Variants in LINGO3 observed in about 807,000 individuals in gnomAD.
LINGO3 encodes the protein leucine-rich repeat and immunoglobulin-like domain-containing nogo receptor-interacting protein 3.
For synonymous variants in LINGO3, 427 were observed against 444.2 expected (o/e 0.96, Z 0.49); for missense variants, 750 against 867.7 (o/e 0.86, Z 1.70).
At chr19:2,291,967 G>A (rs1279255905) in exon 1 of LINGO3, 2 of 614,064 alleles carry the variant, frequency 3.3e-6, no homozygotes, top group South Asian at 1.5e-5. Context: ...TGGAAGAATT[G>A]CTTGAGTTCA....
the LINGO3 span, among the ~76,000 whole-genome samples, chr19:2,301,911 G>C: frequency 1.6e-5 from 2 of 123,192 alleles, no homozygotes; most frequent in East Asian, 2.6e-4. Context: ...CTGGGCGACA[G>C]AGCGAGACTC....
chr19:2,297,602 CTTTTTTTTT>C, the LINGO3 span, among the ~76,000 whole-genome samples: 2 of 130,982 alleles, frequency 1.5e-5, no homozygotes, highest in Non-Finnish European at 3.3e-5. Context: ...CGCACCCGGC[CTTTTTTTTT>C]TTTTTTTTTT....
In LINGO3 at chr19:2,289,959, C is replaced by T. The variant is rs1338783280; in HGVS notation, c.*39G>A. Reference sequence around the variant, plus strand: ...TAGGTGGACACGCGAGCGGCCGGCCCGCGGGGGAGGGGAGGGGAGGGTCCG... The same window carrying T: ...TAGGTGGACACGCGAGCGGCCGGCCTGCGGGGGAGGGGAGGGGAGGGTCCG... On this transcript the variant is annotated 3_prime_UTR_variant, in exon 1 of 1. Transcript: ENST00000585527. The T allele has an allele frequency of 6.1e-6, 9 of 1,466,738 alleles. No individual in the cohort carries two copies. The Admixed American group carries it at 7.3e-5, about 12-fold the overall frequency. The allele number at this position is 1,466,738 out of a possible 1,614,324, so 90.9% of individuals were successfully genotyped here. A position where few individuals can be genotyped will look rare whatever the true frequency, so the allele number is the denominator to read the frequency against.
chr19:2,302,419 G>A, the LINGO3 span, among the ~76,000 whole-genome samples: 1 of 152,182 alleles, frequency 6.6e-6, no homozygotes, highest in African/African-American at 2.4e-5. Flanking sequence ...TCAGTGTACG[G>A]GACATCAGCT....
downstream of LINGO3, among the ~76,000 whole-genome samples, chr19:2,287,499 G>A (rs988747287): frequency 2.6e-5 from 4 of 152,176 alleles, no homozygotes; most frequent in African/African-American, 9.7e-5. The surrounding 1 kb of genome is among the most constrained non-coding windows in gnomAD (Gnocchi z 4.5). Context: ...CACTCATGTC[G>A]AGCCCCCTGG....
downstream of LINGO3, among the ~76,000 whole-genome samples, chr19:2,289,067 G>A (rs1038480525): frequency 6.6e-6 from 1 of 151,566 alleles, no homozygotes; most frequent in East Asian, 1.9e-4. Flanking sequence ...TCCTGGGTGT[G>A]AGCTGTATCC....
upstream of LINGO3, among the ~76,000 whole-genome samples, chr19:2,293,322 C>T (rs1339153764): frequency 2.0e-5 from 3 of 151,790 alleles, no homozygotes; most frequent in African/African-American, 2.4e-5. Flanking sequence ...CCTTGGCCTC[C>T]CAAAGTGCTG....
exon 1 of LINGO3, chr19:2,291,421 G>C: frequency 6.2e-7 from 1 of 1,613,426 alleles, no homozygotes; most frequent in Non-Finnish European, 8.5e-7. Context: ...GAAGACCCCG[G>C]GCGGGATGAG....
the LINGO3 span, among the ~76,000 whole-genome samples, chr19:2,300,969 A>C: frequency 6.6e-6 from 1 of 151,924 alleles, no homozygotes; most frequent in Non-Finnish European, 1.5e-5. Context: ...CACCCACTCC[A>C]TGCCAGGGAC....
At chr19:2,302,303 A>G in the LINGO3 span, among the ~76,000 whole-genome samples, 3 of 152,036 alleles carry the variant, frequency 2.0e-5, no homozygotes, top group Non-Finnish European at 4.4e-5. Context: ...TCAGGTGATC[A>G]GCCCGCCCCA....
chr19:2,288,540 C>T (rs775797990), downstream of LINGO3, among the ~76,000 whole-genome samples: 2 of 152,186 alleles, frequency 1.3e-5, no homozygotes, highest in Non-Finnish European at 2.9e-5. The surrounding 1 kb of genome is among the most constrained non-coding windows in gnomAD (Gnocchi z 6.5). Context: ...GGTTCTGGGC[C>T]GGGGCAGGGT....
chr19:2,290,697 C>A lies in LINGO3; in HGVS notation c.1080G>T (p.Leu360=), dbSNP rs757609759. Residue 360 remains leucine (L), a synonymous_variant, in exon 1 of 1, where the codon CTG becomes CTT. Transcript: ENST00000585527. The surrounding 1 kb of genome is among the most constrained non-coding windows in gnomAD (Gnocchi z 6.0). ...TCTTGCGACGCTGCACGATCCACAGCAGGCGACAGTCGCAGGCCAGCGGGT... is the reference window on the plus strand; with the variant it reads ...TCTTGCGACGCTGCACGATCCACAGAAGGCGACAGTCGCAGGCCAGCGGGT... 1 of 1,611,736 alleles carries A rather than the reference C, an allele frequency of 6.2e-7. No individual in the cohort carries two copies.
chr19:2,297,585 A>G, the LINGO3 span, among the ~76,000 whole-genome samples: 8 of 148,002 alleles, frequency 5.4e-5, no homozygotes, highest in Middle Eastern at 3.6e-3. Context: ...TTACAGGCAT[A>G]AGCCACCGCA....
upstream of LINGO3, among the ~76,000 whole-genome samples, chr19:2,296,202 T>A (rs983970593): frequency 6.6e-6 from 1 of 152,198 alleles, no homozygotes; most frequent in Non-Finnish European, 1.5e-5. Flanking sequence ...AGGGCGGTGA[T>A]GGCACTTTTA....
upstream of LINGO3, among the ~76,000 whole-genome samples, chr19:2,293,525 A>G (rs575107139): frequency 5.3e-4 from 80 of 150,626 alleles, 1 homozygote; most frequent in African/African-American, 1.9e-3. Flanking sequence ...ATGCCCAGCT[A>G]ATTTTTGTAG....
chr19:2,289,754 CAGCTCAG>C, downstream of LINGO3: 1 of 393,942 alleles, frequency 2.5e-6, no homozygotes, highest in South Asian at 4.3e-5. Context: ...CCCCACCCCC[CAGCTCAG>C]CCACCATAGC....
At chr19:2,289,242 G>A (rs1489977432), downstream of LINGO3, among the ~76,000 whole-genome samples, 1 of 149,222 alleles carries the variant, frequency 6.7e-6, no homozygotes, top group East Asian at 2.0e-4. Context: ...TGTGTGTCCC[G>A]GGTGTGAGCT....
chr19:2,295,254 A>G (rs1399053476), upstream of LINGO3, among the ~76,000 whole-genome samples: 1 of 152,166 alleles, frequency 6.6e-6, no homozygotes, highest in Non-Finnish European at 1.5e-5. Context: ...CTGGACACAG[A>G]GACACAGGCA....
At chr19:2,293,429 C>T (rs1266671673), upstream of LINGO3, among the ~76,000 whole-genome samples, 2 of 148,354 alleles carry the variant, frequency 1.3e-5, no homozygotes, top group African/African-American at 2.5e-5. Context: ...GCGATCTCAG[C>T]TCACTGCAAG....
Sources: gnomAD v4.1 joint callset for allele counts (sites outside exome capture counted in the v4.1 genomes callset) on GRCh38, gnomAD v4.1.1 for gene constraint, Gnocchi (gnomAD v3.1) non-coding constraint, MANE v1.5 for transcripts, NCBI Gene and HGNC (gene_info 2026-07-23, HGNC 2026-07-21) for gene names.